The following AGAP1 variants were observed in gnomAD, a reference collection of about 807,000 sequenced individuals.
The protein encoded by AGAP1 is arf-GAP with GTPase, ANK repeat and PH domain-containing protein 1.
A neutral mutation model predicts 105.3 loss-of-function variants in AGAP1; 29 were observed. The ratio of observed to expected loss-of-function variants is 0.28; its 90% CI spans 0.21 to 0.38. The LOEUF (loss-of-function observed/expected upper bound fraction) is 0.38. Ranked by LOEUF, AGAP1 falls within the 10% of genes least tolerant of loss-of-function variation. AGAP1 has a pLI of 1.00. For synonymous variants in AGAP1, 509 were observed against 485.9 expected, an observed-to-expected ratio of 1.05 and a Z score of -0.63; for missense variants, 998 against 1,165.1, an observed-to-expected ratio of 0.86 and a Z score of 2.09.
intron 13 of AGAP1, among the ~76,000 whole-genome samples, chr2:236,034,715 C>T (rs1057063720): frequency 2.0e-5 from 3 of 152,228 alleles, no homozygotes; most frequent in Admixed American, 2.0e-4. Context: ...GCCGACACCC[C>T]AAGCGGGGCT....
In AGAP1 at chr2:235,962,046, GGTTTTGTTTTGTTTTGTTTTGTTTT is replaced by G. The variant is rs72183486; in HGVS notation, c.1484-6401_1484-6377del. On this transcript the variant is annotated intron_variant, in intron 12 of 17. Coordinates refer to ENST00000304032, the MANE Select transcript of AGAP1 (RefSeq NM_001037131.3). The surrounding 1 kb of genome is among the most constrained non-coding windows in gnomAD (Gnocchi z 5.3). ...CTTCTGATGGATGCTTTTGGTTTTT[GGTTTTGTTTTGTTTTGTTTTGTTTT>G]GTTTTGTTTTGTTTCAGTGAAGTGA... 0.12 allele frequency among the ~76,000 whole-genome samples: 17,453 copies of G among 150,566 alleles called. 2,550 individuals carry two copies. Among genetic ancestry groups the G allele is most frequent in the African/African-American group, 0.35 (14,211 of 40,486 alleles).
At chr2:235,847,622 A>G (rs1332938379) in intron 9 of AGAP1, among the ~76,000 whole-genome samples, 3 of 152,234 alleles carry the variant, frequency 2.0e-5, no homozygotes, top group Non-Finnish European at 2.9e-5. Flanking sequence ...TATTTTGACT[A>G]TTCATCACTC....
rs1949716572 is a variant in AGAP1, at chr2:235,691,164, T to C, written c.164-18015T>C. ...ATGCGATTCTGAGGCCTTGGTCCCT[T>C]CTGAGAGACCCCAGCCCCGAGAGGC... On this transcript the variant is annotated intron_variant, in intron 1 of 17. Transcript: ENST00000304032. This position sits in a 1 kb window ranked among gnomAD's most constrained non-coding sequence, Gnocchi z 4.4. Among the ~76,000 whole-genome samples the C allele has an allele frequency of 6.6e-6, 1 of 152,120 alleles. No homozygotes were observed. Among genetic ancestry groups the C allele is most frequent in the African/African-American group, 2.4e-5 (1 of 41,420 alleles).
intron 9 of AGAP1, among the ~76,000 whole-genome samples, chr2:235,816,792 G>C (rs1414647937): frequency 6.6e-6 from 1 of 151,880 alleles, no homozygotes; most frequent in Non-Finnish European, 1.5e-5. Flanking sequence ...CTGGGAAGCC[G>C]AGGCATGAGA....
chr2:235,685,085 A>T (rs536120687), intron 1 of AGAP1, among the ~76,000 whole-genome samples: 1 of 152,064 alleles, frequency 6.6e-6, no homozygotes, highest in South Asian at 2.1e-4. Context: ...GGGTGGGCCG[A>T]GGTTGAGTGG....
chr2:236,051,507 G>A lies in AGAP1; in HGVS notation c.2114+2226G>A, dbSNP rs1372645590. Among the ~76,000 whole-genome samples the A allele has an allele frequency of 6.6e-6, 1 of 152,160 alleles. No individual in the cohort carries two copies. Among genetic ancestry groups the A allele is most frequent in the African/African-American group, 2.4e-5 (1 of 41,440 alleles). On this transcript the variant is annotated intron_variant, in intron 16 of 17. Coordinates refer to ENST00000304032, the MANE Select transcript of AGAP1 (RefSeq NM_001037131.3). This position sits in a 1 kb window ranked among gnomAD's most constrained non-coding sequence, Gnocchi z 5.9. ...CCAGGGCCAGGGGACCAGGTGGGAA[G>A]GCGGGCTGGAGGGTGGGAGTGGCCT...
chr2:235,581,700 A>G (rs978463912), intron 1 of AGAP1, among the ~76,000 whole-genome samples: 1 of 151,868 alleles, frequency 6.6e-6, no homozygotes, highest in Non-Finnish European at 1.5e-5. Context: ...CAGCTACTCA[A>G]GAGGCTGAGG....
intron 1 of AGAP1, among the ~76,000 whole-genome samples, chr2:235,627,342 G>A (rs752208904): frequency 8.6e-5 from 13 of 151,470 alleles, no homozygotes; most frequent in Non-Finnish European, 1.6e-4. Context: ...CTCCTGCCTC[G>A]GCCTCCTGAG....
At chr2:235,715,247 T>G (rs1427625641) in intron 2 of AGAP1, among the ~76,000 whole-genome samples, 1 of 152,192 alleles carries the variant, frequency 6.6e-6, no homozygotes, top group Non-Finnish European at 1.5e-5. Context: ...ACCCATCTTG[T>G]GTTTACCAGG....
At chr2:236,102,375 G>GCA (rs2059375836) in intron 16 of AGAP1, among the ~76,000 whole-genome samples, 1 of 142,910 alleles carries the variant, frequency 7.0e-6, no homozygotes, top group Non-Finnish European at 1.5e-5. Context: ...GCGAGATCAT[G>GCA]CCACTGCACT....
chr2:236,106,955 G>A (rs1362037410), intron 16 of AGAP1, among the ~76,000 whole-genome samples: 6 of 152,088 alleles, frequency 3.9e-5, no homozygotes, highest in African/African-American at 9.6e-5. Flanking sequence ...ATGTGTCAAC[G>A]TGGGAAGCTG....
chr2:236,036,738 A>G lies in AGAP1; in HGVS notation c.1800+23A>G. On this transcript the variant is annotated intron_variant, in intron 14 of 17. Transcript: ENST00000304032. This position sits in a 1 kb window ranked among gnomAD's most constrained non-coding sequence, Gnocchi z 5.7. Reference sequence around the variant, plus strand: ...AAGGTGAGGCCCCTGGCTGCCCAAAACCAAGGCTGGGGCTGCTCAGGGGGA... The same window carrying G: ...AAGGTGAGGCCCCTGGCTGCCCAAAGCCAAGGCTGGGGCTGCTCAGGGGGA... 6.2e-7 allele frequency: 1 copy of G among 1,613,756 alleles called. No homozygotes were observed. Among genetic ancestry groups the G allele is most frequent in the East Asian group, 2.2e-5 (1 of 44,870 alleles).
chr2:235,709,297 A>G, intron 2 of AGAP1, 60 bp downstream of exon 2: 1 of 1,564,918 alleles, frequency 6.4e-7, no homozygotes, highest in Non-Finnish European at 8.8e-7. Context: ...TGCACACCCA[A>G]GCCTGCATTC....
intron 11 of AGAP1, among the ~76,000 whole-genome samples, chr2:235,926,470 G>A (rs2052451098): frequency 6.6e-6 from 1 of 152,190 alleles, no homozygotes; most frequent in African/African-American, 2.4e-5. Context: ...CAGAGTTTAA[G>A]CAGATGTCTT....
In AGAP1 at chr2:235,785,298, CCTT is replaced by C. The variant is rs1177746519; in HGVS notation, c.674-12455_674-12453del. On this transcript the variant is annotated intron_variant, in intron 6 of 17. Transcript: ENST00000304032. ...GAAAGATTACAGAAGTTTCTAAACT[CCTT>C]CTTCTGTTGGTGTTCATATCTAAAA... Among the ~76,000 whole-genome samples, 9 of 152,208 alleles carry C rather than the reference CCTT, an allele frequency of 5.9e-5. No homozygotes were observed. The East Asian group carries it at 1.2e-3, about 20-fold the overall frequency.
intron 1 of AGAP1, 105 bp downstream of exon 1, chr2:235,494,954 A>T: frequency 8.4e-7 from 1 of 1,197,306 alleles, no homozygotes; most frequent in Non-Finnish European, 1.1e-6. Flanking sequence ...CGGCCGGGGC[A>T]CGCGGCTGCT....
chr2:235,764,726 GGGGGCA>G (rs1954780402), intron 6 of AGAP1, among the ~76,000 whole-genome samples: 1 of 124,692 alleles, frequency 8.0e-6, no homozygotes, highest in Non-Finnish European at 1.7e-5. Flanking sequence ...CCCGTGGGGT[GGGGGCA>G]TCTGGGAGCG....
rs1036111103 is a variant in AGAP1 at position 236,109,947 on chromosome 2, T to C, written c.2115-10245T>C. Among the ~76,000 whole-genome samples the C allele has an allele frequency of 1.3e-5, 2 of 152,012 alleles. No individual in the cohort carries two copies. Among genetic ancestry groups the C allele is most frequent in the Non-Finnish European group, 2.9e-5 (2 of 68,008 alleles). On this transcript the variant is annotated intron_variant, in intron 16 of 17. Coordinates refer to ENST00000304032, the MANE Select transcript of AGAP1 (RefSeq NM_001037131.3). The surrounding 1 kb of genome is among the most constrained non-coding windows in gnomAD (Gnocchi z 5.4). ...TGGCCAAAGGGAGAGCATGAGAAAA[T>C]GATGCTGTGGATCCACCTAGACTCT... is the stretch of plus-strand genomic sequence containing the variant.
At chr2:236,079,462 A>C (rs1381014310) in intron 16 of AGAP1, among the ~76,000 whole-genome samples, 1 of 150,512 alleles carries the variant, frequency 6.6e-6, no homozygotes, top group Non-Finnish European at 1.5e-5. Flanking sequence ...TGAGCCCAGG[A>C]ATTTAAGGCT....
Sources: allele counts gnomAD v4.1 joint callset (sites outside exome capture counted in the v4.1 genomes callset), GRCh38; gene constraint gnomAD v4.1.1; non-coding constraint Gnocchi (gnomAD v3.1); transcripts MANE v1.5; gene names NCBI Gene and HGNC (gene_info 2026-07-23, HGNC 2026-07-21).